GUF1: variants seen among roughly 807,000 people sequenced by gnomAD.
GUF1 encodes translation factor GUF1, mitochondrial.
Under a neutral mutation model 82.4 loss-of-function variants are expected in GUF1, and 78 were observed. That is an observed-to-expected ratio of 0.95 (90% CI 0.79 to 1.14). GUF1 has a LOEUF of 1.14. Ranked by LOEUF, GUF1 falls within the 50% of genes most tolerant of loss-of-function variation. GUF1 has a pLI of 0.00. For synonymous variants in GUF1, 279 were observed against 282.3 expected, an observed-to-expected ratio of 0.99 and a Z score of 0.12; for missense variants, 814 against 798.2, an observed-to-expected ratio of 1.02 and a Z score of -0.24.
chr4:44,685,721 C>G (rs1484817542), intron 6 of GUF1, among the ~76,000 whole-genome samples: 2 of 152,030 alleles, frequency 1.3e-5, no homozygotes, highest in Non-Finnish European at 1.5e-5. Flanking sequence ...ATTCCTCTTT[C>G]AATACCATAA....
intron 9 of GUF1, among the ~76,000 whole-genome samples, chr4:44,688,750 T>G (rs1163741848): frequency 2.0e-5 from 3 of 151,936 alleles, no homozygotes; most frequent in African/African-American, 2.4e-5. Context: ...GTCAGTCATG[T>G]GGATTTTAGA....
intron 1 of GUF1, 47 bp from the exon 2 acceptor site, chr4:44,680,394 T>C (rs751115880): frequency 2.9e-5 from 23 of 800,066 alleles, no homozygotes; most frequent in Middle Eastern, 2.4e-4. Flanking sequence ...ACTTGTTTGA[T>C]AGTATGCCAA....
chr4:44,685,135 A>G (rs995321852), intron 6 of GUF1, among the ~76,000 whole-genome samples: 2 of 152,132 alleles, frequency 1.3e-5, no homozygotes, highest in South Asian at 4.1e-4. Context: ...AATAGTTACA[A>G]GTTAAGGACT....
chr4:44,687,873 T>C lies in GUF1; in HGVS notation c.939-134T>C, dbSNP rs1037134500. ...AAGCTTCAGAGTTTGATAATTGATA[T>C]GTAGCACTTATTTTCAAAGTGTATG... On this transcript the variant is annotated intron_variant, in intron 8 of 16. Transcript: ENST00000281543. 1.9e-5 allele frequency: 13 copies of C among 689,388 alleles called. No homozygotes were observed. The Admixed American group carries it at 3.2e-4, about 17-fold the overall frequency. 42.7% of individuals were successfully genotyped at this position (689,388 alleles called of 1,614,324 possible).
chr4:44,680,900 A>C, intron 3 of GUF1, 58 bp downstream of exon 3: 1 of 1,411,404 alleles, frequency 7.1e-7, no homozygotes, highest in South Asian at 1.2e-5. Flanking sequence ...TCAGTAGTGC[A>C]AACAGATCCT....
chr4:44,697,562 CT>C, intron 16 of GUF1, 118 bp downstream of exon 16: 1 of 483,348 alleles, frequency 2.1e-6, no homozygotes, highest in South Asian at 5.6e-5. Flanking sequence ...TCCAAGTTCC[CT>C]TTTTGAATAG....
In GUF1 at chr4:44,695,723, T is replaced by C. The variant is rs1378240978; in HGVS notation, c.1824T>C (p.Ile608=). The part of the protein sequence containing the change: ...AIQAAIGSKI[I]ARETVKAYRK... The stretch of plus-strand genomic sequence containing the variant: ...AAGCTGCTATTGGAAGTAAAATCAT[T>C]GCAAGAGAAACGTGAGTTGAAATTC... Residue 608 remains isoleucine, a synonymous_variant, in exon 15 of 17, where the codon ATT becomes ATC. Transcript: ENST00000281543. 13 of 1,611,010 alleles carry C rather than the reference T, an allele frequency of 8.1e-6. No homozygotes were observed. Among genetic ancestry groups the C allele is most frequent in the Non-Finnish European group, 1.1e-5 (13 of 1,179,138 alleles).
Position 44,683,282 on chromosome 4 carries a change from G to C in GUF1, c.633G>C (p.Glu211Asp), listed in dbSNP as rs754467007. The change falls in exon 6 of 17, where the codon GAG (glutamate) becomes GAC (aspartate). Residue 211 changes from glutamate to aspartate, a missense_variant. Transcript: ENST00000281543. Reference protein sequence around the residue: ...ADPERVENQIEKVFDIPSDEC... With the variant: ...ADPERVENQIDKVFDIPSDEC... ...CTGAAAGGGTTGAAAACCAAATTGA[G>C]AAAGTGTTTGATATTCCAAGTGATG... is the stretch of plus-strand genomic sequence containing the variant. 6 of 1,585,642 alleles carry C rather than the reference G, an allele frequency of 3.8e-6. No homozygotes were observed. The East Asian group carries it at 1.4e-4, about 36-fold the overall frequency.
At chr4:44,696,364 TG>T (rs1210191548) in intron 15 of GUF1, among the ~76,000 whole-genome samples, 4 of 152,154 alleles carry the variant, frequency 2.6e-5, no homozygotes, top group Non-Finnish European at 4.4e-5. Flanking sequence ...CTTGGGAGGC[TG>T]GGGCAGGAGT....
intron 13 of GUF1, among the ~76,000 whole-genome samples, chr4:44,692,738 C>T (rs1397868421): frequency 1.3e-5 from 2 of 151,956 alleles, no homozygotes; most frequent in Non-Finnish European, 2.9e-5. Context: ...TTTTCTTCTA[C>T]TTTGTCACCC....
intron 7 of GUF1, 45 bp downstream of exon 7, chr4:44,686,068 T>A: frequency 7.9e-7 from 1 of 1,271,810 alleles, no homozygotes; most frequent in Non-Finnish European, 1.1e-6. Flanking sequence ...TATTTAATAG[T>A]TCAAAAACTG....
In GUF1 at chr4:44,694,526, GAAACT is replaced by G. The variant is rs1322575295; in HGVS notation, c.1715+16_1715+20del. 2 of 1,299,398 alleles carry G rather than the reference GAAACT, an allele frequency of 1.5e-6. No individual in the cohort carries two copies. Among genetic ancestry groups the G allele is most frequent in the Non-Finnish European group, 2.2e-6 (2 of 913,000 alleles). 80.5% of individuals were successfully genotyped at this position (1,299,398 alleles called of 1,614,324 possible). A position where few individuals can be genotyped will look rare whatever the true frequency, so the allele number is the denominator to read the frequency against. Reference sequence around the variant, plus strand: ...CTGTTGTACACAAGTAAGTTCAATAGAAACTAATCATGGAATGTGAAAATACTTTT... The same window carrying G: ...CTGTTGTACACAAGTAAGTTCAATAGAATCATGGAATGTGAAAATACTTTT... On this transcript the variant is annotated intron_variant, in intron 14 of 16. Coordinates refer to ENST00000281543, the MANE Select transcript of GUF1 (RefSeq NM_021927.3).
At position 44,686,514 on chromosome 4, in the gene GUF1, A is replaced by G; in HGVS notation, c.739A>G (p.Lys247Glu). The change falls in exon 8 of 17, where the codon AAA (lysine) becomes GAA (glutamate). Residue 247 changes from lysine to glutamate, a missense_variant. Coordinates refer to ENST00000281543, the MANE Select transcript of GUF1 (RefSeq NM_021927.3). The part of the protein sequence containing the change: ...QAIIERIPPP[K>E]VHRKNPLRAL... The stretch of plus-strand genomic sequence containing the variant: ...CTTTTTACTTATATTTACTAGTCCT[A>G]AAGTGCATCGCAAAAATCCTCTGAG... 6.2e-7 allele frequency: 1 copy of G among 1,607,542 alleles called. No individual in the cohort carries two copies.
Position 44,695,541 on chromosome 4 carries a change from A to G in GUF1, c.1716-74A>G, listed in dbSNP as rs183977313. ...TTAAGAGATCACCTTTACACTGATT[A>G]TGCAACTGGCCTAGAAAAATACTTG... On this transcript the variant is annotated intron_variant, in intron 14 of 16. Coordinates refer to ENST00000281543, the MANE Select transcript of GUF1 (RefSeq NM_021927.3). 416 of 1,303,036 alleles carry G rather than the reference A, an allele frequency of 3.2e-4. 1 individual carries two copies. The African/African-American group carries it at 5.6e-3, about 18-fold the overall frequency. 80.7% of individuals were successfully genotyped at this position (1,303,036 alleles called of 1,614,324 possible).
chr4:44,680,097 C>T (rs1714677092), intron 1 of GUF1, among the ~76,000 whole-genome samples: 1 of 151,840 alleles, frequency 6.6e-6, no homozygotes, highest in Non-Finnish European at 1.5e-5. Flanking sequence ...AGCTCCATTG[C>T]CTCAAAAGTT....
chr4:44,678,705 CG>C lies in GUF1; in HGVS notation c.87del (p.Arg31GlyfsTer54). ...ACTGGGGCCGCGCTTCTGGTGGCCCCGGGGCCCCGGTCCGCGCCGACCCTTG... is the reference window on the plus strand; with the variant it reads ...ACTGGGGCCGCGCTTCTGGTGGCCCCGGGCCCCGGTCCGCGCCGACCCTTG... ...RATGAALLVA[P>X]GPRSAPTLGA... On this transcript the variant is annotated frameshift_variant, in exon 1 of 17. Transcript: ENST00000281543. LOFTEE classifies it high-confidence loss of function. 2.0e-6 allele frequency: 3 copies of C among 1,508,358 alleles called. No individual in the cohort carries two copies. Among genetic ancestry groups the C allele is most frequent in the Admixed American group, 2.8e-5 (1 of 35,994 alleles). The allele number at this position is 1,508,358 out of a possible 1,614,324, so 93.4% of individuals were successfully genotyped here.
intron 4 of GUF1, among the ~76,000 whole-genome samples, chr4:44,681,579 G>A (rs1297501162): frequency 1.3e-5 from 2 of 152,024 alleles, no homozygotes; most frequent in Non-Finnish European, 2.9e-5. Context: ...CATTTTAGGT[G>A]ATTTTAAGGC....
chr4:44,692,533 T>A (rs1715515896), intron 13 of GUF1, among the ~76,000 whole-genome samples: 2 of 151,828 alleles, frequency 1.3e-5, no homozygotes, highest in Non-Finnish European at 3.0e-5. Context: ...AGGGGAAAAA[T>A]GAACATTGAC....
intron 5 of GUF1, among the ~76,000 whole-genome samples, chr4:44,682,984 T>A (rs1406009291): frequency 6.6e-6 from 1 of 152,024 alleles, no homozygotes; most frequent in Non-Finnish European, 1.5e-5. Flanking sequence ...TTACTACTGA[T>A]CTCTTCTGCT....
Sources: gnomAD v4.1 joint callset for allele counts (sites outside exome capture counted in the v4.1 genomes callset) on GRCh38, gnomAD v4.1.1 for gene constraint, MANE v1.5 for transcripts, NCBI Gene and HGNC (gene_info 2026-07-23, HGNC 2026-07-21) for gene names.